The following PCDH9 variants were observed in gnomAD, a reference collection of about 807,000 sequenced individuals.
The protein encoded by PCDH9 is protocadherin 9.
PCDH9 carries 24 observed loss-of-function variants against 70.6 expected under a neutral mutation model. The observed-to-expected ratio is 0.34, with a 90% CI of 0.25 to 0.48. The LOEUF (loss-of-function observed/expected upper bound fraction) is 0.48. Ranked by LOEUF, PCDH9 falls within the 20% of genes least tolerant of loss-of-function variation. The pLI is 0.99. For missense variants in PCDH9, 1,281 were observed against 1,503.6 expected (o/e 0.85, Z 2.45); for synonymous variants, 562 against 558.5 (o/e 1.01, Z -0.09).
intron 2 of PCDH9, among the ~76,000 whole-genome samples, chr13:66,904,027 T>C (rs1327681182): frequency 6.6e-6 from 1 of 151,862 alleles, no homozygotes; most frequent in East Asian, 1.9e-4. Context: ...TGAAGCATAA[T>C]TCCTCCCCCA....
intron 3 of PCDH9, among the ~76,000 whole-genome samples, chr13:66,744,442 T>C (rs975445975): frequency 1.3e-5 from 2 of 152,094 alleles, no homozygotes; most frequent in Non-Finnish European, 1.5e-5. Context: ...TTTTGAAAAG[T>C]CCGAAACTAA....
chr13:66,779,851 A>C (rs61546419), intron 3 of PCDH9, among the ~76,000 whole-genome samples: 2,233 of 37,634 alleles, frequency 0.059, 24 homozygotes, highest in East Asian at 0.19. Flanking sequence ...CTCTCTCTCT[A>C]TATATATATA....
At chr13:66,327,615 A>G (rs1430498783) in intron 4 of PCDH9, among the ~76,000 whole-genome samples, 2 of 152,162 alleles carry the variant, frequency 1.3e-5, no homozygotes, top group East Asian at 3.9e-4. Context: ...TCTAGACTCA[A>G]TTTTGAGCAC....
At chr13:67,030,922 A>G (rs1026369503) in intron 2 of PCDH9, among the ~76,000 whole-genome samples, 3 of 152,350 alleles carry the variant, frequency 2.0e-5, no homozygotes, top group African/African-American at 7.2e-5. Flanking sequence ...AGAGTAATCT[A>G]TTCATACTCT....
chr13:66,387,390 C>T (rs548496270), intron 4 of PCDH9, among the ~76,000 whole-genome samples: 1 of 152,094 alleles, frequency 6.6e-6, no homozygotes, highest in African/African-American at 2.4e-5. Flanking sequence ...TTTGTGCCCT[C>T]CAAACCTCAT....
At chr13:66,759,363 A>C (rs1370636028) in intron 3 of PCDH9, among the ~76,000 whole-genome samples, 2 of 151,838 alleles carry the variant, frequency 1.3e-5, no homozygotes, top group Non-Finnish European at 2.9e-5. Flanking sequence ...CTTGACTTTC[A>C]GTGTGTGTAC....
chr13:66,696,841 C>T (rs990650066), intron 3 of PCDH9, among the ~76,000 whole-genome samples: 4 of 139,758 alleles, frequency 2.9e-5, no homozygotes, highest in Middle Eastern at 4.4e-3. Context: ...GTGGCTCATA[C>T]GTGTAATCCC....
At chr13:66,653,556 T>C (rs117208640) in intron 3 of PCDH9, among the ~76,000 whole-genome samples, 2,242 of 152,204 alleles carry the variant, frequency 0.015, 22 homozygotes, top group Middle Eastern at 0.044. Flanking sequence ...CCTGGTACAC[T>C]GTTGGTGGGA....
At chr13:67,209,636 G>A (rs2089429473) in intron 2 of PCDH9, 1 of 152,122 alleles carries the variant, frequency 6.6e-6, no homozygotes, top group Non-Finnish European at 1.5e-5. Flanking sequence ...AGACGAGTAA[G>A]TATTCCTAAG....
intron 2 of PCDH9, among the ~76,000 whole-genome samples, chr13:67,067,599 A>G (rs2085674079): frequency 7.6e-6 from 1 of 132,416 alleles, no homozygotes; most frequent in Non-Finnish European, 1.7e-5. Context: ...TTTATTTTTT[A>G]AATACTTTTT....
intron 3 of PCDH9, among the ~76,000 whole-genome samples, chr13:66,853,452 G>A (rs1357998252): frequency 6.6e-6 from 1 of 152,020 alleles, no homozygotes; most frequent in Non-Finnish European, 1.5e-5. Context: ...TTGATCTGGA[G>A]GAGTCTCCAT....
chr13:66,590,033 G>T (rs2077018390), intron 4 of PCDH9, among the ~76,000 whole-genome samples: 1 of 151,912 alleles, frequency 6.6e-6, no homozygotes, highest in Admixed American at 6.6e-5. Context: ...GAACCAATTG[G>T]CTGCCTTATT....
intron 3 of PCDH9, among the ~76,000 whole-genome samples, chr13:66,793,118 T>C (rs2080187645): frequency 6.6e-6 from 1 of 151,434 alleles, no homozygotes. Context: ...TGCTTATATA[T>C]ATATATAAAG....
chr13:66,426,678 A>G (rs898042789), intron 4 of PCDH9, among the ~76,000 whole-genome samples: 10 of 151,638 alleles, frequency 6.6e-5, no homozygotes, highest in Non-Finnish European at 1.5e-4. Flanking sequence ...GGCATTTATA[A>G]AAGGCCAACA....
At chr13:66,371,350 G>C (rs1287265371) in intron 4 of PCDH9, among the ~76,000 whole-genome samples, 2 of 151,838 alleles carry the variant, frequency 1.3e-5, no homozygotes, top group Admixed American at 1.3e-4. Flanking sequence ...TGGATGGTTG[G>C]ATATTACACA....
chr13:66,794,686 A>G (rs2080212644), intron 3 of PCDH9, among the ~76,000 whole-genome samples: 1 of 151,704 alleles, frequency 6.6e-6, no homozygotes, highest in African/African-American at 2.4e-5. Flanking sequence ...CTTGACCTTA[A>G]CTCTCCTGCT....
rs1013152485 is a variant in PCDH9, at chr13:66,437,520, A to G, written c.3341-132492T>C. Among the ~76,000 whole-genome samples the G allele has an allele frequency of 2.6e-5, 4 of 152,184 alleles. 1 individual carries two copies. The highest frequency in any genetic ancestry group is 4.1e-4 in the South Asian group (2 of 4,820). On this transcript the variant is annotated intron_variant, in intron 4 of 4. Coordinates refer to ENST00000377865, the MANE Select transcript of PCDH9 (RefSeq NM_203487.3). The stretch of plus-strand genomic sequence containing the variant: ...AAGAGGAGTAGGATTCTTATCACAT[A>G]CATCAAAAAAATCAGTGGCTGAAAA...
intron 3 of PCDH9, among the ~76,000 whole-genome samples, chr13:66,822,160 T>A (rs200213082): frequency 2.6e-4 from 25 of 97,788 alleles, no homozygotes; most frequent in African/African-American, 8.1e-4. Flanking sequence ...ACACACACAC[T>A]CATATATAGA....
chr13:66,587,126 T>C (rs904664557), intron 4 of PCDH9, among the ~76,000 whole-genome samples: 28 of 152,014 alleles, frequency 1.8e-4, no homozygotes, highest in Non-Finnish European at 3.4e-4. Flanking sequence ...TGAGACCTTG[T>C]CTCTACAAAA....
Sources: gnomAD v4.1 joint callset for allele counts (sites outside exome capture counted in the v4.1 genomes callset) on GRCh38, gnomAD v4.1.1 for gene constraint, MANE v1.5 for transcripts, NCBI Gene and HGNC (gene_info 2026-07-23, HGNC 2026-07-21) for gene names.